RABGAP1L: variants seen among roughly 807,000 people sequenced by gnomAD.
RABGAP1L encodes rab GTPase-activating protein 1-like.
A neutral mutation model predicts 137.7 loss-of-function variants in RABGAP1L; 63 were observed. That is an observed-to-expected ratio of 0.46 (90% confidence interval 0.37 to 0.56). The LOEUF (loss-of-function observed/expected upper bound fraction) is 0.56. RABGAP1L is among the 20% of genes least tolerant of loss of function. The pLI is 0.00. For synonymous variants in RABGAP1L, 431 were observed against 433.7 expected (o/e 0.99, Z 0.08); for missense variants, 1,095 against 1,244.0 (o/e 0.88, Z 1.80).
chr1:174,912,304 G>A (rs192383632), intron 19 of RABGAP1L, among the ~76,000 whole-genome samples: 30 of 152,170 alleles, frequency 2.0e-4, no homozygotes, highest in African/African-American at 6.5e-4. Flanking sequence ...ACCATGCCCA[G>A]CTAACTTTTT....
At chr1:174,944,229 A>G (rs1158359752) in intron 19 of RABGAP1L, among the ~76,000 whole-genome samples, 5 of 143,216 alleles carry the variant, frequency 3.5e-5, no homozygotes, top group Non-Finnish European at 7.5e-5. Flanking sequence ...GTGAGCCAAG[A>G]TTACTCCACT....
At chr1:174,803,918 C>T (rs1169398591) in intron 18 of RABGAP1L, among the ~76,000 whole-genome samples, 2 of 151,734 alleles carry the variant, frequency 1.3e-5, no homozygotes, top group Non-Finnish European at 2.9e-5. Flanking sequence ...CCTAAAAATA[C>T]AAAAATTAGT....
intron 11 of RABGAP1L, among the ~76,000 whole-genome samples, chr1:174,321,782 T>G (rs1571209946): frequency 6.6e-6 from 1 of 152,168 alleles, no homozygotes; most frequent in Non-Finnish European, 1.5e-5. Flanking sequence ...TTAAAAAAAT[T>G]TAGCTATTCT....
At chr1:174,447,516 A>G (rs910442008) in intron 13 of RABGAP1L, among the ~76,000 whole-genome samples, 5 of 152,132 alleles carry the variant, frequency 3.3e-5, no homozygotes, top group Non-Finnish European at 7.3e-5. Flanking sequence ...TGCCACAATG[A>G]ACTTTTTCTT....
chr1:174,962,202 C>T (rs1336585483), intron 20 of RABGAP1L, among the ~76,000 whole-genome samples: 3 of 109,306 alleles, frequency 2.7e-5, no homozygotes, highest in African/African-American at 6.9e-5. Flanking sequence ...ATACACCCCC[C>T]CCCCACACAC....
At chr1:174,473,501 T>C (rs934390132) in intron 13 of RABGAP1L, among the ~76,000 whole-genome samples, 1 of 152,196 alleles carries the variant, frequency 6.6e-6, no homozygotes, top group African/African-American at 2.4e-5. Context: ...CAGGATGCCC[T>C]GACAGTGTTT....
At chr1:174,349,943 G>T in intron 11 of RABGAP1L, among the ~76,000 whole-genome samples, 1 of 137,412 alleles carries the variant, frequency 7.3e-6, no homozygotes, top group South Asian at 2.4e-4. Context: ...GGACGGGGCG[G>T]CTGGCCGGGT....
At chr1:174,523,783 A>C (rs574147294) in intron 13 of RABGAP1L, among the ~76,000 whole-genome samples, 1 of 151,014 alleles carries the variant, frequency 6.6e-6, no homozygotes, top group Admixed American at 6.6e-5. Context: ...CTTCATTTCC[A>C]CCTCCCACCA....
At chr1:174,878,935 T>G (rs998218091) in intron 19 of RABGAP1L, among the ~76,000 whole-genome samples, 6 of 137,060 alleles carry the variant, frequency 4.4e-5, no homozygotes, top group African/African-American at 1.7e-4. Flanking sequence ...GTTTTTTTTT[T>G]TTTTTTTTTT....
At chr1:174,454,274 G>A (rs1655789398) in intron 13 of RABGAP1L, among the ~76,000 whole-genome samples, 1 of 151,876 alleles carries the variant, frequency 6.6e-6, no homozygotes, top group Non-Finnish European at 1.5e-5. Context: ...AAAAAAAGAA[G>A]AAGAATGCGG....
intron 13 of RABGAP1L, among the ~76,000 whole-genome samples, chr1:174,603,903 C>G (rs575048058): frequency 1.3e-5 from 2 of 151,842 alleles, no homozygotes. Flanking sequence ...TCTACTGTGG[C>G]TAAGCTGGTG....
rs747671420 is a variant in RABGAP1L, at chr1:174,664,730, C to CTTTTTTTTTTTTTTTTTT, written c.1825-18789_1825-18788insTTTTTTTTTTTTTTTTTT. Among the ~76,000 whole-genome samples, 50 of 98,892 alleles carry CTTTTTTTTTTTTTTTTTT rather than the reference C, an allele frequency of 5.1e-4. 7 individuals are homozygous for CTTTTTTTTTTTTTTTTTT. The highest frequency in any genetic ancestry group is 2.2e-3 in the African/African-American group (34 of 15,638). 64.9% of individuals were successfully genotyped at this position (98,892 alleles called of 152,430 possible). A position where few individuals can be genotyped will look rare whatever the true frequency, so the allele number is the denominator to read the frequency against. On this transcript the variant is annotated intron_variant, in intron 14 of 25. Transcript: ENST00000681986. ...CTCTCTCTTTCTTTCTTTCTTTCTG[C>CTTTTTTTTTTTTTTTTTT]TTTCTTTTTTTTTTTTTTTTTTTTT... is the stretch of plus-strand genomic sequence containing the variant.
intron 19 of RABGAP1L, among the ~76,000 whole-genome samples, chr1:174,841,131 A>C (rs1693349843): frequency 6.6e-6 from 1 of 152,204 alleles, no homozygotes; most frequent in Admixed American, 6.5e-5. Flanking sequence ...ACTAAGAGAA[A>C]GAAAACCCAA....
chr1:174,388,668 G>A (rs753371715), intron 12 of RABGAP1L, among the ~76,000 whole-genome samples: 19 of 152,012 alleles, frequency 1.2e-4, no homozygotes, highest in Non-Finnish European at 2.7e-4. Context: ...ACTGCTTCAG[G>A]TTTTGAGATG....
chr1:174,453,540 T>A (rs753983014), intron 13 of RABGAP1L, among the ~76,000 whole-genome samples: 8 of 152,196 alleles, frequency 5.3e-5, no homozygotes, highest in African/African-American at 9.6e-5. Flanking sequence ...GATAGCATCA[T>A]GTATGTGTAG....
intron 11 of RABGAP1L, among the ~76,000 whole-genome samples, chr1:174,353,168 A>G (rs990224044): frequency 6.6e-6 from 1 of 152,008 alleles, no homozygotes; most frequent in African/African-American, 2.4e-5. Flanking sequence ...TTCCCTTTTG[A>G]CCTAGAGTGT....
chr1:174,246,684 A>C (rs1672292514), intron 5 of RABGAP1L, among the ~76,000 whole-genome samples: 1 of 152,206 alleles, frequency 6.6e-6, no homozygotes, highest in East Asian at 1.9e-4. Flanking sequence ...GCTATATGGA[A>C]TATTACACAG....
At chr1:174,632,847 C>T (rs1015322993) in intron 13 of RABGAP1L, among the ~76,000 whole-genome samples, 5 of 150,274 alleles carry the variant, frequency 3.3e-5, no homozygotes, top group South Asian at 2.1e-4. Context: ...AATGTCCTCC[C>T]GTAGCTCAGA....
At chr1:174,239,846 C>T (rs1421427339) in intron 4 of RABGAP1L, among the ~76,000 whole-genome samples, 2 of 152,068 alleles carry the variant, frequency 1.3e-5, no homozygotes, top group African/African-American at 2.4e-5. Context: ...TTTTAAAAAC[C>T]CTTTCTGATT....
Sources: gnomAD v4.1 joint callset for allele counts (sites outside exome capture counted in the v4.1 genomes callset) on GRCh38, gnomAD v4.1.1 for gene constraint, MANE v1.5 for transcripts, NCBI Gene and HGNC (gene_info 2026-07-23, HGNC 2026-07-21) for gene names.